The following RNF214 variants were observed in gnomAD, a reference collection of about 807,000 sequenced individuals.
RNF214 encodes the protein ring finger protein 214.
In RNF214, 25 loss-of-function variants were observed where a neutral mutation model predicts 75.9. That is an observed-to-expected ratio of 0.33 (90% confidence interval 0.24 to 0.46). The LOEUF is 0.46. Among genes scored for constraint, RNF214 ranks in the 20% least tolerant of loss-of-function variants. The pLI is 1.00. For missense variants in RNF214, 725 were observed against 857.5 expected, an observed-to-expected ratio of 0.85 and a Z score of 1.93; for synonymous variants, 314 against 308.8, an observed-to-expected ratio of 1.02 and a Z score of -0.18.
chr11:117,284,589 C>G (rs2034205628), intron 14 of RNF214, among the ~76,000 whole-genome samples: 1 of 152,126 alleles, frequency 6.6e-6, no homozygotes, highest in South Asian at 2.1e-4. Context: ...ATAAAAAGGA[C>G]AGGTTCACTT....
intron 6 of RNF214, among the ~76,000 whole-genome samples, chr11:117,261,557 G>T (rs1326320647): frequency 6.6e-6 from 1 of 152,104 alleles, no homozygotes; most frequent in East Asian, 1.9e-4. Context: ...TTCAGCTTGG[G>T]CAACAGAGCA....
chr11:117,282,127 A>C lies in RNF214; in HGVS notation c.1569A>C (p.Pro523=), dbSNP rs1178654645. Residue 523 remains proline, a synonymous_variant, in exon 11 of 15, where the codon CCA becomes CCC. Coordinates refer to ENST00000300650, the MANE Select transcript of RNF214 (RefSeq NM_207343.4). ...GLGSLVSPHG[P]HMPPAASIPP... is the part of the protein sequence containing the mutation. ...GTTCCCTTGTCAGCCCCCACGGTCCACACATGCCCCCTGCCGCCTCCATCC... is the reference window on the plus strand; with the variant it reads ...GTTCCCTTGTCAGCCCCCACGGTCCCCACATGCCCCCTGCCGCCTCCATCC... 1.9e-6 allele frequency: 3 copies of C among 1,613,876 alleles called. No homozygotes were observed. Among genetic ancestry groups the C allele is most frequent in the East Asian group, 2.2e-5 (1 of 44,854 alleles).
At chr11:117,256,992 A>C (rs941701395) in intron 6 of RNF214, among the ~76,000 whole-genome samples, 10 of 152,226 alleles carry the variant, frequency 6.6e-5, no homozygotes, top group African/African-American at 2.2e-4. Context: ...AGAGACAGAG[A>C]CTGGGACATC....
At chr11:117,241,352 C>T (rs1308941079) in intron 4 of RNF214, among the ~76,000 whole-genome samples, 4 of 151,818 alleles carry the variant, frequency 2.6e-5, no homozygotes, top group African/African-American at 7.3e-5. Context: ...GAGGCCGAGG[C>T]GGGTAGATCA....
At position 117,282,822 on chromosome 11, in the gene RNF214, A is replaced by C; in HGVS notation, c.1922A>C (p.Gln641Pro). The C allele has an allele frequency of 6.2e-7, 1 of 1,614,052 alleles. No homozygotes were observed. The highest frequency in any genetic ancestry group is 8.5e-7 in the Non-Finnish European group (1 of 1,179,928). The change falls in exon 13 of 15, where the codon CAA becomes CCA. Residue 641 changes from glutamine to proline, a missense_variant. Transcript: ENST00000300650. Reference sequence around the variant, plus strand: ...ACCCCAATGTTCTTGCCTTCTGCCCAAGTTTCATATCCTGGAAGGTCTTCA... The same window carrying C: ...ACCCCAATGTTCTTGCCTTCTGCCCCAGTTTCATATCCTGGAAGGTCTTCA... Reference protein sequence around the residue: ...ISTPMFLPSAQVSYPGRSSHA... With the variant: ...ISTPMFLPSAPVSYPGRSSHA...
chr11:117,280,046 C>T (rs373347230), intron 7 of RNF214, 42 bp downstream of exon 7: 1 of 1,542,130 alleles, frequency 6.5e-7, no homozygotes, highest in African/African-American at 1.4e-5. Context: ...TAGTTTCAGG[C>T]TTCCAGATGG....
intron 10 of RNF214, 85 bp from the exon 11 acceptor site, chr11:117,281,809 G>T: frequency 6.5e-7 from 1 of 1,533,388 alleles, no homozygotes; most frequent in Non-Finnish European, 8.9e-7. Context: ...TTCAGTGCAA[G>T]AGTTGTTCAT....
chr11:117,243,131 TA>T lies in RNF214; in HGVS notation c.679-1313del, dbSNP rs2033124272. ...AAGGTCCTATCTTGAGAGCCTTTTT[TA>T]TTAATTAATTAATTAATTTATTTAT... On this transcript the variant is annotated intron_variant, in intron 4 of 14. Transcript: ENST00000300650. Among the ~76,000 whole-genome samples, 5 of 145,088 alleles carry T rather than the reference TA, an allele frequency of 3.4e-5. No individual in the cohort carries two copies. In the South Asian group the frequency reaches 1.1e-3, roughly 32 times the overall value.
intron 6 of RNF214, among the ~76,000 whole-genome samples, chr11:117,271,992 T>C (rs1451257605): frequency 6.6e-6 from 1 of 152,156 alleles, no homozygotes; most frequent in African/African-American, 2.4e-5. Context: ...TTTTTATTTT[T>C]CTTAGAGGCG....
chr11:117,246,971 AC>A (rs1565332662), intron 6 of RNF214, 23 bp downstream of exon 6: 33 of 1,585,550 alleles, frequency 2.1e-5, no homozygotes, highest in Non-Finnish European at 2.8e-5. Context: ...AAGAATAAAA[AC>A]CCTGTGTGTA....
intron 6 of RNF214, among the ~76,000 whole-genome samples, chr11:117,279,002 C>CAAG (rs2034072164): frequency 6.6e-6 from 1 of 152,124 alleles, no homozygotes; most frequent in South Asian, 2.1e-4. Context: ...GAGGCTAAGG[C>CAAG]AAGAAGATTG....
At chr11:117,268,302 G>A (rs555045168) in intron 6 of RNF214, among the ~76,000 whole-genome samples, 1 of 152,324 alleles carries the variant, frequency 6.6e-6, no homozygotes, top group African/African-American at 2.4e-5. Flanking sequence ...CTGGGAGATA[G>A]GGAAGCTGTC....
At chr11:117,261,885 G>A (rs1317330169) in intron 6 of RNF214, among the ~76,000 whole-genome samples, 2 of 151,546 alleles carry the variant, frequency 1.3e-5, no homozygotes, top group African/African-American at 4.8e-5. Flanking sequence ...ACCTCAAGCC[G>A]TCTGCCTGGC....
intron 2 of RNF214, among the ~76,000 whole-genome samples, chr11:117,236,017 G>A (rs1490774314): frequency 2.6e-5 from 4 of 151,976 alleles, no homozygotes; most frequent in African/African-American, 9.7e-5. Flanking sequence ...CTGGAGTGCA[G>A]TGGTGCGATC....
intron 12 of RNF214, 39 bp downstream of exon 12, chr11:117,282,575 A>G (rs775077613): frequency 6.2e-7 from 1 of 1,607,426 alleles, no homozygotes; most frequent in Non-Finnish European, 8.5e-7. Context: ...AGGCATGTTG[A>G]GGGCTGGGGA....
chr11:117,256,716 T>C (rs1359828257), intron 6 of RNF214, among the ~76,000 whole-genome samples: 1 of 152,174 alleles, frequency 6.6e-6, no homozygotes, highest in Non-Finnish European at 1.5e-5. Flanking sequence ...ACAGTGCTAG[T>C]TCTGTGACAT....
Position 117,280,266 on chromosome 11 carries a change from A to G in RNF214, c.1145+7A>G. On this transcript the variant is annotated splice_region_variant and intron_variant, in intron 8 of 14. Coordinates refer to ENST00000300650, the MANE Select transcript of RNF214 (RefSeq NM_207343.4). ...TGCACCTTACTTACCTCAAGTAAGT[A>G]CCTTTCCGTTCTAGAGCTTTAATTG... 1 of 1,571,550 alleles carries G rather than the reference A, an allele frequency of 6.4e-7. No homozygotes were observed. The highest frequency in any genetic ancestry group is 8.8e-7 in the Non-Finnish European group (1 of 1,142,274).
intron 6 of RNF214, among the ~76,000 whole-genome samples, chr11:117,279,205 T>C (rs994198043): frequency 6.6e-6 from 1 of 152,172 alleles, no homozygotes; most frequent in African/African-American, 2.4e-5. Flanking sequence ...AATGCCATAA[T>C]GGTTTTGAAT....
chr11:117,247,535 C>T (rs2033257871), intron 6 of RNF214, among the ~76,000 whole-genome samples: 2 of 152,014 alleles, frequency 1.3e-5, no homozygotes, highest in African/African-American at 2.4e-5. Context: ...ACACCGATCT[C>T]ACTTTATAAC....
Sources: allele counts gnomAD v4.1 joint callset (sites outside exome capture counted in the v4.1 genomes callset), GRCh38; gene constraint gnomAD v4.1.1; transcripts MANE v1.5; gene names NCBI Gene and HGNC (gene_info 2026-07-23, HGNC 2026-07-21).